ANKRD42: variants seen among roughly 807,000 people sequenced by gnomAD.
ANKRD42 encodes ankyrin repeat domain 42.
Under a neutral mutation model 51.5 loss-of-function variants are expected in ANKRD42, and 43 were observed. The observed-to-expected ratio is 0.83, with a 90% CI of 0.65 to 1.08. The LOEUF (loss-of-function observed/expected upper bound fraction) is 1.08. ANKRD42 is among the 50% of genes least tolerant of loss of function. The pLI, the probability that ANKRD42 is intolerant of heterozygous loss-of-function variation, is 0.00. For missense variants in ANKRD42, 608 were observed against 629.3 expected (o/e 0.97, Z 0.36); for synonymous variants, 203 against 213.0 (o/e 0.95, Z 0.41).
intron 5 of ANKRD42, among the ~76,000 whole-genome samples, chr11:83,221,237 A>T (rs1379211215): frequency 1.3e-5 from 2 of 152,176 alleles, no homozygotes; most frequent in Admixed American, 1.3e-4. Flanking sequence ...GTTTGATTTT[A>T]AAAATTATTT....
At chr11:83,195,591 C>G (rs561451369) in intron 1 of ANKRD42, among the ~76,000 whole-genome samples, 1 of 152,174 alleles carries the variant, frequency 6.6e-6, no homozygotes, top group Non-Finnish European at 1.5e-5. Flanking sequence ...TATATCCTCT[C>G]TGTCCTTCAG....
In ANKRD42 at chr11:83,193,917, T is replaced by C. The variant is rs1004212569; in HGVS notation, c.-754T>C. On this transcript the variant is annotated 5_prime_UTR_variant, in exon 1 of 11. Transcript: ENST00000533342. ...TACACGGCCATTCCGGCGCCGAGTC[T>C]AGGGAAAGAGTTAGCGACGACGGGG... 4.4e-6 allele frequency: 2 copies of C among 454,730 alleles called. No individual in the cohort carries two copies. The highest frequency in any genetic ancestry group is 2.4e-5 in the Admixed American group (1 of 42,450). 28.2% of individuals were successfully genotyped at this position (454,730 alleles called of 1,614,324 possible).
chr11:83,261,130 C>T (rs1001201333), downstream of ANKRD42: 2 of 152,140 alleles, frequency 1.3e-5, no homozygotes, highest in African/African-American at 4.8e-5. Flanking sequence ...GCTCTGTCAC[C>T]CAGGCTGGAG....
At chr11:83,231,128 C>A (rs1863057029) in intron 7 of ANKRD42, among the ~76,000 whole-genome samples, 1 of 152,096 alleles carries the variant, frequency 6.6e-6, no homozygotes, top group South Asian at 2.1e-4. Context: ...TTTTGAGGAA[C>A]CTCCAAACTG....
At position 83,211,416 on chromosome 11, in the gene ANKRD42, ATGG is replaced by A. The variant is rs1051579969; in HGVS notation, c.573_575del (p.Asn191_Gly192delinsLys). 2.5e-6 allele frequency: 4 copies of A among 1,614,018 alleles called. No individual in the cohort carries two copies. The highest frequency in any genetic ancestry group is 2.5e-6 in the Non-Finnish European group (3 of 1,180,016). ...TGTAGCATAGAAGATGTGGACTACA[ATGG>A]AAACCTTCCAGGTATTTTAAATAAA... On this transcript the variant is annotated inframe_deletion, in exon 5 of 11. Transcript: ENST00000533342.
chr11:83,200,988 T>C (rs1369628430), intron 2 of ANKRD42, among the ~76,000 whole-genome samples: 1 of 151,546 alleles, frequency 6.6e-6, no homozygotes, highest in Admixed American at 6.6e-5. Context: ...TTTTCTTTTC[T>C]TTTTTTTTAA....
At chr11:83,245,377 C>A in intron 9 of ANKRD42, 121 bp from the exon 10 acceptor site, 1 of 1,054,690 alleles carries the variant, frequency 9.5e-7, no homozygotes, top group Non-Finnish European at 1.3e-6. Context: ...TTCCTCCACC[C>A]CCCTCTCCAA....
chr11:83,216,546 G>A (rs556311327), intron 5 of ANKRD42, among the ~76,000 whole-genome samples: 65 of 151,654 alleles, frequency 4.3e-4, no homozygotes, highest in East Asian at 3.9e-4. Context: ...GGATGGTCTC[G>A]ATCTCCTGAC....
chr11:83,254,849 T>G (rs1863739118), intron 11 of ANKRD42, among the ~76,000 whole-genome samples: 1 of 152,196 alleles, frequency 6.6e-6, no homozygotes, highest in African/African-American at 2.4e-5. Flanking sequence ...GCCGCTAAAC[T>G]TTTTTTCAAG....
rs761060183 is a variant in ANKRD42 at position 83,247,996 on chromosome 11, A to C, written c.1376A>C (p.Lys459Thr). The C allele has an allele frequency of 6.2e-7, 1 of 1,613,858 alleles. No homozygotes were observed. The highest frequency in any genetic ancestry group is 8.5e-7 in the Non-Finnish European group (1 of 1,179,882). ...GAGTATGAACGACTACGTAGAGAAAAATTAGAATGTCAGCTTGATGAATAT... is the reference window on the plus strand; with the variant it reads ...GAGTATGAACGACTACGTAGAGAAACATTAGAATGTCAGCTTGATGAATAT... Reference protein sequence around the residue: ...QLEYERLRREKLECQLDEYRA... With the variant: ...QLEYERLRRETLECQLDEYRA... The change falls in exon 11 of 11, where the codon AAA becomes ACA. Residue 459 changes from lysine (K) to threonine (T), a missense_variant. By Grantham distance (78) the Lys-to-Thr change is moderately conservative (BLOSUM62 -1). Coordinates refer to ENST00000533342, the MANE Select transcript of ANKRD42 (RefSeq NM_001300975.2).
chr11:83,199,976 C>A (rs1319097628), intron 2 of ANKRD42, among the ~76,000 whole-genome samples: 1 of 152,080 alleles, frequency 6.6e-6, no homozygotes, highest in Non-Finnish European at 1.5e-5. Flanking sequence ...CTGCTGTTTC[C>A]TCCCACATTC....
intron 7 of ANKRD42, among the ~76,000 whole-genome samples, chr11:83,229,446 G>T (rs140083094): frequency 6.6e-6 from 1 of 151,968 alleles, no homozygotes; most frequent in Non-Finnish European, 1.5e-5. Context: ...TTGCTAATGC[G>T]CGTGTGTGGG....
chr11:83,229,285 T>C (rs1291742143), intron 7 of ANKRD42, among the ~76,000 whole-genome samples: 2 of 152,132 alleles, frequency 1.3e-5, no homozygotes, highest in East Asian at 1.9e-4. Context: ...TTTTCTTTAG[T>C]TACCACTTTA....
downstream of ANKRD42, among the ~76,000 whole-genome samples, chr11:83,258,485 T>A (rs1109265): frequency 0.055 from 8,421 of 152,192 alleles, 787 homozygotes; most frequent in African/African-American, 0.19. Context: ...GATTTGGAGT[T>A]AAAGACTTGA....
At chr11:83,251,848 T>C (rs1359704917), downstream of ANKRD42, among the ~76,000 whole-genome samples, 2 of 152,178 alleles carry the variant, frequency 1.3e-5, no homozygotes, top group African/African-American at 4.8e-5. Context: ...GTTGAGATGA[T>C]AAAATATAAC....
intron 1 of ANKRD42, among the ~76,000 whole-genome samples, chr11:83,195,221 C>T (rs1861595596): frequency 6.6e-6 from 1 of 152,196 alleles, no homozygotes. Context: ...TGGTGGCCCT[C>T]AAATCGGTTA....
rs66756456 is a variant in ANKRD42, at chr11:83,243,967, CTTTTTT to C, written c.1196-1507_1196-1502del. On this transcript the variant is annotated intron_variant, in intron 9 of 10. Transcript: ENST00000533342. ...GCGTGAACCACCTCGCCTGGCTGCC[CTTTTTT>C]TTTTTTTTTTTTTTTTTTTTTTTAT... Among the ~76,000 whole-genome samples, 62 of 66,964 alleles carry C rather than the reference CTTTTTT, an allele frequency of 9.3e-4. No homozygotes were observed. In the South Asian group the frequency reaches 0.01, roughly 11 times the overall value. The allele number at this position is 66,964 out of a possible 152,430, so 43.9% of individuals were successfully genotyped here.
rs202238819 is a variant in ANKRD42 at position 83,227,828 on chromosome 11, A to G, written c.869A>G (p.Asn290Ser). ...AAATTAGTGGAAGATGGAGTAATCA[A>G]TATTAATGAGCGTGCTGATAATGGA... ...LKKLVEDGVI[N>S]INERADNGST... is the part of the protein sequence containing the mutation. The change falls in exon 7 of 11, where the codon AAT (asparagine) becomes AGT (serine). Residue 290 changes from asparagine to serine, a missense_variant. Asn to Ser is a conservative substitution (Grantham distance 46). Transcript: ENST00000533342. The G allele has an allele frequency of 4.6e-5, 74 of 1,613,226 alleles. No individual in the cohort carries two copies. The highest frequency in any genetic ancestry group is 1.1e-4 in the African/African-American group (8 of 74,996).
rs751539689 is a variant in ANKRD42 at position 83,194,378 on chromosome 11, C to G, written c.-293C>G. 3.5e-5 allele frequency: 22 copies of G among 632,220 alleles called. No individual in the cohort carries two copies. The African/African-American group carries it at 3.8e-4, about 11-fold the overall frequency. 39.2% of individuals were successfully genotyped at this position (632,220 alleles called of 1,614,324 possible). A position where few individuals can be genotyped will look rare whatever the true frequency, so the allele number is the denominator to read the frequency against. The stretch of plus-strand genomic sequence containing the variant: ...GAAGGCGGCCACAGCGTTGGTAGTT[C>G]TTGGGAGGAAGTAAGTGGAGACCGC... On this transcript the variant is annotated 5_prime_UTR_variant, in exon 1 of 11. Transcript: ENST00000533342.
Sources: allele counts gnomAD v4.1 joint callset (sites outside exome capture counted in the v4.1 genomes callset), GRCh38; gene constraint gnomAD v4.1.1; transcripts MANE v1.5; gene names NCBI Gene and HGNC (gene_info 2026-07-23, HGNC 2026-07-21).